Variants in TMCO4 observed in about 807,000 individuals in gnomAD.
The protein encoded by TMCO4 is transmembrane and coiled-coil domains 4.
In TMCO4, 58 loss-of-function variants were observed where a neutral mutation model predicts 64.7. That is an observed-to-expected ratio of 0.90 (90% confidence interval 0.73 to 1.12). The LOEUF is 1.12. Ranked by LOEUF, TMCO4 falls within the 50% of genes most tolerant of loss-of-function variation. The pLI, the probability that TMCO4 is intolerant of heterozygous loss-of-function variation, is 0.00. For missense variants in TMCO4, 780 were observed against 825.9 expected (o/e 0.94, Z 0.68); for synonymous variants, 325 against 346.1 (o/e 0.94, Z 0.68).
chr1:19,700,443 G>C (rs1348014910), intron 14 of TMCO4, among the ~76,000 whole-genome samples: 1 of 152,152 alleles, frequency 6.6e-6, no homozygotes, highest in Non-Finnish European at 1.5e-5. Flanking sequence ...TTTTCAGTCT[G>C]TGTTCCACTC....
At position 19,774,789 on chromosome 1, in the gene TMCO4, GAAGGGAGGTACTAGTT is replaced by G. The variant is rs145386057; in HGVS notation, c.180-3323_180-3308del. ...TTAATTCTCACCATGACCCCATGAG[GAAGGGAGGTACTAGTT>G]AAGGGAGGTACTAGTTTACACTACT... On this transcript the variant is annotated intron_variant, in intron 4 of 15. Transcript: ENST00000294543. Among the ~76,000 whole-genome samples the G allele has an allele frequency of 4.8e-3, 733 of 152,278 alleles. 9 individuals carry two copies. Among genetic ancestry groups the G allele is most frequent in the African/African-American group, 0.017 (691 of 41,546 alleles).
chr1:19,783,580 A>G (rs1295129479), intron 3 of TMCO4, among the ~76,000 whole-genome samples: 9 of 152,386 alleles, frequency 5.9e-5, no homozygotes, highest in African/African-American at 1.9e-4. Context: ...ATAACTGTTT[A>G]CAAAGCATTT....
chr1:19,722,308 T>C (rs113471253), intron 13 of TMCO4, among the ~76,000 whole-genome samples: 3 of 152,326 alleles, frequency 2.0e-5, no homozygotes, highest in African/African-American at 7.2e-5. Flanking sequence ...TTCTGGATCA[T>C]TATCCTTCAA....
At chr1:19,688,918 G>C (rs1347071900) in intron 15 of TMCO4, among the ~76,000 whole-genome samples, 1 of 152,218 alleles carries the variant, frequency 6.6e-6, no homozygotes, top group Admixed American at 6.5e-5. Context: ...CTGTGCCCCA[G>C]AAGCCTCATG....
intron 9 of TMCO4, among the ~76,000 whole-genome samples, chr1:19,745,941 C>G (rs1299453959): frequency 6.6e-6 from 1 of 152,188 alleles, no homozygotes; most frequent in Non-Finnish European, 1.5e-5. Flanking sequence ...TGTTTCTTTT[C>G]TCCTGCCCAC....
intron 2 of TMCO4, among the ~76,000 whole-genome samples, chr1:19,791,422 G>C (rs924046818): frequency 6.6e-6 from 1 of 152,176 alleles, no homozygotes; most frequent in Admixed American, 6.5e-5. Flanking sequence ...TGCTGGAATG[G>C]GGGAGCCCAT....
intron 14 of TMCO4, among the ~76,000 whole-genome samples, chr1:19,696,094 C>T (rs2095234859): frequency 6.6e-6 from 1 of 152,092 alleles, no homozygotes; most frequent in African/African-American, 2.4e-5. Context: ...TGGAGTCTTC[C>T]TAGAACACCC....
chr1:19,768,164 G>C (rs961413577), intron 6 of TMCO4, among the ~76,000 whole-genome samples: 10 of 152,122 alleles, frequency 6.6e-5, no homozygotes, highest in African/African-American at 2.4e-4. Flanking sequence ...CTGCAAGATG[G>C]GGGCAATGGC....
chr1:19,700,725 G>A (rs200991940), intron 14 of TMCO4, 43 bp downstream of exon 14: 143 of 1,517,102 alleles, frequency 9.4e-5, no homozygotes, highest in Middle Eastern at 6.8e-4. Context: ...TAAGTGCTCC[G>A]TAAGCATTGT....
intron 6 of TMCO4, among the ~76,000 whole-genome samples, chr1:19,759,712 A>T (rs980563877): frequency 6.6e-6 from 1 of 152,176 alleles, no homozygotes; most frequent in African/African-American, 2.4e-5. Flanking sequence ...TCCTTAGAGA[A>T]GCCAGCGGCT....
intron 13 of TMCO4, among the ~76,000 whole-genome samples, chr1:19,725,015 C>T (rs977496371): frequency 6.6e-6 from 1 of 152,174 alleles, no homozygotes; most frequent in Admixed American, 6.5e-5. Flanking sequence ...CCGCCTCGGC[C>T]TCCCAAAGTG....
chr1:19,719,600 C>A (rs1355200194), intron 13 of TMCO4, among the ~76,000 whole-genome samples: 3 of 152,046 alleles, frequency 2.0e-5, no homozygotes, highest in African/African-American at 4.8e-5. Context: ...GCGATCATAG[C>A]CTGCTGCAAC....
intron 13 of TMCO4, among the ~76,000 whole-genome samples, chr1:19,727,952 G>C (rs1383377307): frequency 6.6e-6 from 1 of 152,174 alleles, no homozygotes; most frequent in Non-Finnish European, 1.5e-5. Flanking sequence ...ACTAATGCAG[G>C]TACAGAAAAC....
At chr1:19,785,314 C>T (rs973734546) in intron 3 of TMCO4, among the ~76,000 whole-genome samples, 1 of 150,302 alleles carries the variant, frequency 6.7e-6, no homozygotes, top group African/African-American at 2.5e-5. Flanking sequence ...TATCTCAGCA[C>T]CCTGTTCTAT....
intron 7 of TMCO4, among the ~76,000 whole-genome samples, chr1:19,749,005 T>C (rs1042822295): frequency 1.3e-5 from 2 of 152,208 alleles, no homozygotes; most frequent in African/African-American, 4.8e-5. Flanking sequence ...GTCACTTCAT[T>C]ACACAGAAGC....
chr1:19,747,278 G>A lies in TMCO4; in HGVS notation c.516-18C>T, dbSNP rs377238306. 3.8e-5 allele frequency: 61 copies of A among 1,605,496 alleles called. No homozygotes were observed. The African/African-American group carries it at 7.8e-4, about 20-fold the overall frequency. Reference sequence around the variant, plus strand: ...CGGCCATTCTGAGGGAAAAGAGGCTGGTCTTTAGGGCCAGCTGTGCCCAGG... The same window carrying A: ...CGGCCATTCTGAGGGAAAAGAGGCTAGTCTTTAGGGCCAGCTGTGCCCAGG... On this transcript the variant is annotated intron_variant, in intron 7 of 15. Coordinates refer to ENST00000294543, the MANE Select transcript of TMCO4 (RefSeq NM_181719.7).
intron 13 of TMCO4, among the ~76,000 whole-genome samples, chr1:19,708,404 A>T (rs1425679081): frequency 7.6e-6 from 1 of 132,272 alleles, no homozygotes; most frequent in African/African-American, 4.0e-5. Flanking sequence ...TACATAAATA[A>T]AAAAAAAAAA....
At chr1:19,702,306 T>C (rs1570679274) in intron 13 of TMCO4, among the ~76,000 whole-genome samples, 1 of 85,040 alleles carries the variant, frequency 1.2e-5, no homozygotes, top group African/African-American at 4.4e-5. Context: ...AAAAAAAAAG[T>C]CAGGGCCCGG....
intron 2 of TMCO4, among the ~76,000 whole-genome samples, chr1:19,793,056 C>T (rs536507334): frequency 1.3e-5 from 2 of 152,192 alleles, no homozygotes; most frequent in Non-Finnish European, 2.9e-5. Flanking sequence ...AGACGTGAGC[C>T]ACCACGCCTG....
Sources: gnomAD v4.1 joint callset for allele counts (sites outside exome capture counted in the v4.1 genomes callset) on GRCh38, gnomAD v4.1.1 for gene constraint, MANE v1.5 for transcripts, NCBI Gene and HGNC (gene_info 2026-07-23, HGNC 2026-07-21) for gene names.